Variants in AGBL1 observed in about 807,000 individuals in gnomAD.
The protein encoded by AGBL1 is cytosolic carboxypeptidase 4.
AGBL1 carries 130 observed loss-of-function variants against 118.9 expected under a neutral mutation model. The observed-to-expected ratio is 1.09, with a 90% confidence interval of 0.95 to 1.26. The LOEUF (loss-of-function observed/expected upper bound fraction) is 1.26, where lower values mean the gene tolerates loss of function less well. Ranked by LOEUF, AGBL1 falls within the 50% of genes most tolerant of loss-of-function variation. AGBL1 has a pLI of 0.00. For synonymous variants in AGBL1, 555 were observed against 478.9 expected (o/e 1.16, Z -2.08); for missense variants, 1,584 against 1,298.1 (o/e 1.22, Z -3.38).
intron 5 of AGBL1, among the ~76,000 whole-genome samples, chr15:86,183,498 A>AT (rs961609033): frequency 3.3e-5 from 5 of 152,158 alleles, no homozygotes; most frequent in African/African-American, 1.2e-4. Context: ...ATGCATATGT[A>AT]TTTTCACCAC....
chr15:86,475,443 G>T (rs916914951), intron 18 of AGBL1, among the ~76,000 whole-genome samples: 1 of 152,118 alleles, frequency 6.6e-6, no homozygotes, highest in Non-Finnish European at 1.5e-5. Flanking sequence ...GCTTCAGTAG[G>T]CAATTCGATC....
At chr15:86,209,631 G>T (rs2078057090) in intron 5 of AGBL1, among the ~76,000 whole-genome samples, 1 of 152,012 alleles carries the variant, frequency 6.6e-6, no homozygotes, top group African/African-American at 2.4e-5. Flanking sequence ...CACTAAGATT[G>T]CAATCCCTGC....
intron 22 of AGBL1, among the ~76,000 whole-genome samples, chr15:86,729,408 G>A (rs2077499525): frequency 1.3e-5 from 2 of 152,092 alleles, no homozygotes; most frequent in Admixed American, 1.3e-4. Flanking sequence ...GTACCCAATG[G>A]GTAGTTTTTC....
In AGBL1 at chr15:86,270,151, T is replaced by C. The variant is rs559857556; in HGVS notation, c.1987+84T>C. The C allele has an allele frequency of 2.0e-6, 3 of 1,508,164 alleles. No individual in the cohort carries two copies. In the East Asian group the frequency reaches 7.4e-5, roughly 37 times the overall value. The allele number at this position is 1,508,164 out of a possible 1,614,324, so 93.4% of individuals were successfully genotyped here. A position where few individuals can be genotyped will look rare whatever the true frequency, so the allele number is the denominator to read the frequency against. On this transcript the variant is annotated intron_variant, in intron 14 of 22. Coordinates refer to ENST00000614907, the MANE Select transcript of AGBL1 (RefSeq NM_001386094.1). ...CTGTTTGGATTCAAAGAGCCTTTGC[T>C]TGGGTTCAGAGGGTTTGAAGTTGGG...
chr15:86,495,475 G>C (rs1298500772), intron 18 of AGBL1, among the ~76,000 whole-genome samples: 3 of 149,232 alleles, frequency 2.0e-5, no homozygotes, highest in South Asian at 2.1e-4. Context: ...TACAAAAGTA[G>C]TTTGATAAGC....
At chr15:86,765,568 G>T (rs1454477019) in intron 22 of AGBL1, among the ~76,000 whole-genome samples, 1 of 151,948 alleles carries the variant, frequency 6.6e-6, no homozygotes, top group African/African-American at 2.4e-5. Context: ...CATTCCACAT[G>T]GTAGGGACAG....
At chr15:86,454,721 C>T (rs1021258646) in intron 18 of AGBL1, among the ~76,000 whole-genome samples, 6 of 152,038 alleles carry the variant, frequency 3.9e-5, no homozygotes, top group African/African-American at 7.3e-5. Flanking sequence ...ATGGTTGTCT[C>T]AAAACAGGGT....
At chr15:86,814,807 G>A (rs1455268385) in intron 22 of AGBL1, among the ~76,000 whole-genome samples, 1 of 152,130 alleles carries the variant, frequency 6.6e-6, no homozygotes, top group East Asian at 1.9e-4. Flanking sequence ...AATTCTTTGG[G>A]ACTTTTATTG....
chr15:86,508,057 T>G (rs1596202804), intron 18 of AGBL1, among the ~76,000 whole-genome samples: 1 of 148,156 alleles, frequency 6.7e-6, no homozygotes, highest in Non-Finnish European at 1.5e-5. Flanking sequence ...TAGGCCAGAG[T>G]GCAGTGGCAC....
chr15:86,606,652 GA>G (rs1217698890), intron 21 of AGBL1, among the ~76,000 whole-genome samples: 13 of 152,246 alleles, frequency 8.5e-5, no homozygotes, highest in Middle Eastern at 3.4e-3. Flanking sequence ...TTTGATTAAA[GA>G]TAATTAACAG....
At chr15:86,819,988 C>T (rs953871543) in intron 22 of AGBL1, among the ~76,000 whole-genome samples, 1 of 152,078 alleles carries the variant, frequency 6.6e-6, no homozygotes, top group African/African-American at 2.4e-5. Flanking sequence ...AATAATGTCA[C>T]GTATCTACAA....
At chr15:86,383,227 G>A (rs2081136394) in intron 17 of AGBL1, among the ~76,000 whole-genome samples, 2 of 109,428 alleles carry the variant, frequency 1.8e-5, no homozygotes, top group Admixed American at 1.4e-4. Flanking sequence ...CTGCACTGAA[G>A]AGAGTAAGCA....
intron 5 of AGBL1, among the ~76,000 whole-genome samples, chr15:86,184,197 T>C (rs1336270109): frequency 6.6e-6 from 1 of 152,234 alleles, no homozygotes; most frequent in Non-Finnish European, 1.5e-5. Context: ...TTCTTAAATT[T>C]TGTTTGTAGT....
chr15:86,538,104 A>C (rs2083449969), intron 19 of AGBL1, among the ~76,000 whole-genome samples: 2 of 152,180 alleles, frequency 1.3e-5, no homozygotes, highest in East Asian at 1.9e-4. Flanking sequence ...TCTCATGAGC[A>C]GTTGGTTATT....
At chr15:86,493,284 G>A (rs947072867) in intron 18 of AGBL1, among the ~76,000 whole-genome samples, 1 of 152,060 alleles carries the variant, frequency 6.6e-6, no homozygotes, top group African/African-American at 2.4e-5. Flanking sequence ...TTTAGAAAGA[G>A]ATGGATATAA....
intron 22 of AGBL1, among the ~76,000 whole-genome samples, chr15:86,831,439 C>G (rs2079102223): frequency 6.6e-6 from 1 of 152,214 alleles, no homozygotes; most frequent in African/African-American, 2.4e-5. Context: ...AAGTTAGTTA[C>G]TTCCTAGATA....
chr15:86,597,132 T>TATCCATCCATCC (rs57387070), intron 21 of AGBL1, among the ~76,000 whole-genome samples: 9,763 of 147,524 alleles, frequency 0.066, 514 homozygotes, highest in African/African-American at 0.14. Context: ...AATCTACCTA[T>TATCCATCCATCC]ATCCATCCAT....
intron 23 of AGBL1, chr15:86,987,957 C>G (rs1423371625): frequency 1.9e-5 from 31 of 1,608,220 alleles, no homozygotes; most frequent in Non-Finnish European, 2.6e-5. Flanking sequence ...TTTCACCAAT[C>G]TGTACCACTC....
chr15:86,926,893 C>A lies in AGBL1; in HGVS notation c.3222-61094C>A, dbSNP rs1228553019. 3.3e-5 allele frequency among the ~76,000 whole-genome samples: 5 copies of A among 152,256 alleles called. No homozygotes were observed. In the East Asian group the frequency reaches 9.7e-4, roughly 29 times the overall value. On this transcript the variant is annotated intron_variant, in intron 23 of 24. Transcript: ENST00000441037. ...CGGTAGCTCATGCCTGTAATCCCAG[C>A]ACTTTGGGAGGCCAAGGCGGGTGGA...
Sources: gnomAD v4.1 joint callset for allele counts (sites outside exome capture counted in the v4.1 genomes callset) on GRCh38, gnomAD v4.1.1 for gene constraint, MANE v1.5 for transcripts, NCBI Gene and HGNC (gene_info 2026-07-23, HGNC 2026-07-21) for gene names.